Variants in RBMS3 observed in about 807,000 individuals in gnomAD.
RBMS3 encodes the protein RNA-binding motif, single-stranded-interacting protein 3.
Under a neutral mutation model 66.8 loss-of-function variants are expected in RBMS3, and 27 were observed. That is an observed-to-expected ratio of 0.40 (90% CI 0.30 to 0.56). RBMS3 has a LOEUF of 0.56. RBMS3 is among the 20% of genes least tolerant of loss of function. RBMS3 has a pLI of 0.40. For synonymous variants in RBMS3, 188 were observed against 183.0 expected (o/e 1.03, Z -0.22); for missense variants, 513 against 549.5 (o/e 0.93, Z 0.66).
At chr3:29,409,971 A>G (rs1361320315) in intron 1 of RBMS3, among the ~76,000 whole-genome samples, 1 of 152,122 alleles carries the variant, frequency 6.6e-6, no homozygotes, top group African/African-American at 2.4e-5. Flanking sequence ...AGCCCTGGGA[A>G]TGTTCACATT....
intron 4 of RBMS3, among the ~76,000 whole-genome samples, chr3:29,671,556 A>G (rs2051001635): frequency 1.3e-5 from 2 of 152,218 alleles, no homozygotes; most frequent in African/African-American, 4.8e-5. Flanking sequence ...ACGAATGGCT[A>G]ACTAGAATAA....
intron 3 of RBMS3, among the ~76,000 whole-genome samples, chr3:29,584,285 G>GC (rs1358592883): frequency 1.3e-5 from 2 of 149,992 alleles, no homozygotes; most frequent in African/African-American, 4.9e-5. Flanking sequence ...CTTCCTCTCT[G>GC]ACTCTCCAGC....
chr3:29,303,823 G>T (rs1268148589), intron 1 of RBMS3, among the ~76,000 whole-genome samples: 1 of 151,996 alleles, frequency 6.6e-6, no homozygotes, highest in Non-Finnish European at 1.5e-5. Context: ...AAGAAAAAGA[G>T]GTTTAATTGG....
intron 6 of RBMS3, among the ~76,000 whole-genome samples, chr3:29,802,260 A>G (rs1381368470): frequency 6.6e-6 from 1 of 152,172 alleles, no homozygotes; most frequent in Non-Finnish European, 1.5e-5. Flanking sequence ...CTATTTATCT[A>G]TCTGACCGGG....
intron 6 of RBMS3, among the ~76,000 whole-genome samples, chr3:29,798,025 C>T (rs1441140395): frequency 6.6e-6 from 1 of 151,390 alleles, no homozygotes; most frequent in East Asian, 2.0e-4. Context: ...GGCCTGAGGA[C>T]AAAGAAAGAG....
intron 4 of RBMS3, among the ~76,000 whole-genome samples, chr3:29,597,301 T>C (rs2047978484): frequency 6.6e-6 from 1 of 152,144 alleles, no homozygotes; most frequent in Admixed American, 6.6e-5. Context: ...TTATTGAAAG[T>C]GAAACCTAAA....
At chr3:29,549,059 GTTTTTT>G (rs5847579) in intron 3 of RBMS3, among the ~76,000 whole-genome samples, 1 of 85,362 alleles carries the variant, frequency 1.2e-5, no homozygotes, top group African/African-American at 4.4e-5. Flanking sequence ...TCCTACTTCT[GTTTTTT>G]TTTTTTTTTT....
At position 29,599,011 on chromosome 3, in the gene RBMS3, G is replaced by A. The variant is rs140145469; in HGVS notation, c.399+11806G>A. Among the ~76,000 whole-genome samples the A allele has an allele frequency of 2.2e-4, 33 of 151,902 alleles. 1 individual carries two copies. In the East Asian group the frequency reaches 5.4e-3, roughly 25 times the overall value. ...ACTAAATTCCATATTGGTGATAGTC[G>A]GGGCAGAATTGACACCACAGAAAAT... On this transcript the variant is annotated intron_variant, in intron 4 of 14. Transcript: ENST00000383767.
intron 2 of RBMS3, among the ~76,000 whole-genome samples, chr3:29,475,113 T>C (rs1029152879): frequency 2.0e-5 from 3 of 152,202 alleles, no homozygotes; most frequent in African/African-American, 7.2e-5. Flanking sequence ...GAAAGGTTTA[T>C]TAAGGTTTAT....
intron 1 of RBMS3, among the ~76,000 whole-genome samples, chr3:29,400,158 A>G (rs1016136753): frequency 3.3e-5 from 5 of 152,146 alleles, no homozygotes; most frequent in African/African-American, 1.2e-4. Context: ...ATAAAATTAA[A>G]TGATATCTGT....
At chr3:29,760,068 C>T (rs2149378999) in intron 5 of RBMS3, among the ~76,000 whole-genome samples, 1 of 152,072 alleles carries the variant, frequency 6.6e-6, no homozygotes, top group East Asian at 1.9e-4. Context: ...ATAGAAACAG[C>T]CCCCATCCAG....
chr3:29,373,714 T>G (rs995743878), intron 1 of RBMS3, among the ~76,000 whole-genome samples: 4 of 152,218 alleles, frequency 2.6e-5, no homozygotes, highest in African/African-American at 9.6e-5. Flanking sequence ...TCATTTAGAA[T>G]GATGCATTTT....
chr3:29,508,702 T>C (rs769535618), intron 3 of RBMS3, among the ~76,000 whole-genome samples: 1 of 152,016 alleles, frequency 6.6e-6, no homozygotes, highest in East Asian at 1.9e-4. Flanking sequence ...TTTAATCCTT[T>C]CGGTATATAC....
At chr3:29,494,834 T>C (rs563107702) in intron 3 of RBMS3, among the ~76,000 whole-genome samples, 2 of 152,072 alleles carry the variant, frequency 1.3e-5, no homozygotes, top group African/African-American at 4.8e-5. Flanking sequence ...GGCTATATGT[T>C]TAGAGTAGAG....
intron 3 of RBMS3, among the ~76,000 whole-genome samples, chr3:29,514,566 C>G (rs1318984386): frequency 6.7e-6 from 1 of 149,730 alleles, no homozygotes; most frequent in Non-Finnish European, 1.5e-5. Context: ...GTGATTGACA[C>G]TGAGGATAAG....
At chr3:29,688,445 C>T (rs1271333082) in intron 4 of RBMS3, among the ~76,000 whole-genome samples, 1 of 151,984 alleles carries the variant, frequency 6.6e-6, no homozygotes, top group African/African-American at 2.4e-5. Context: ...CTCTCATCAT[C>T]CACATCTTTC....
intron 12 of RBMS3, among the ~76,000 whole-genome samples, chr3:29,964,142 C>T (rs1696669900): frequency 6.6e-6 from 1 of 152,140 alleles, no homozygotes; most frequent in Admixed American, 6.6e-5. Flanking sequence ...TCTTCCTATA[C>T]TTTGTTGTCA....
rs28556802 is a variant in RBMS3, at chr3:29,807,010, T to A, written c.637+44021T>A. ...AATGTCACAACTCATCTACTTTGAC[T>A]ATATGCATTATTAATCTGTAAGATG... On this transcript the variant is annotated intron_variant, in intron 6 of 14. Coordinates refer to ENST00000383767, the MANE Select transcript of RBMS3 (RefSeq NM_001003793.3). Among the ~76,000 whole-genome samples, 376 of 152,042 alleles carry A rather than the reference T, an allele frequency of 2.5e-3. 3 individuals are homozygous for A. Among genetic ancestry groups the A allele is most frequent in the African/African-American group, 8.7e-3 (362 of 41,550 alleles).
At chr3:29,412,403 T>C (rs1191820834) in intron 1 of RBMS3, among the ~76,000 whole-genome samples, 1 of 152,164 alleles carries the variant, frequency 6.6e-6, no homozygotes. Flanking sequence ...TATAGTTCCC[T>C]TTTTTGTTCT....
Sources: gnomAD v4.1 joint callset for allele counts (sites outside exome capture counted in the v4.1 genomes callset) on GRCh38, gnomAD v4.1.1 for gene constraint, MANE v1.5 for transcripts, NCBI Gene and HGNC (gene_info 2026-07-23, HGNC 2026-07-21) for gene names.